The following MYOM1 variants were observed in gnomAD, a reference collection of about 807,000 sequenced individuals.
MYOM1 encodes the protein myomesin 1, also known as myomesin-1.
A neutral mutation model predicts 205.3 loss-of-function variants in MYOM1; 164 were observed. That is an observed-to-expected ratio of 0.80 (90% CI 0.70 to 0.91). The LOEUF is 0.91. Ranked by LOEUF, MYOM1 falls within the 40% of genes least tolerant of loss-of-function variation. MYOM1 has a pLI of 0.00. For synonymous variants in MYOM1, 772 were observed against 789.4 expected (o/e 0.98, Z 0.37); for missense variants, 2,011 against 2,127.3 (o/e 0.95, Z 1.08).
At chr18:3,216,232 A>C (rs1234048280) in intron 1 of MYOM1, among the ~76,000 whole-genome samples, 1 of 152,220 alleles carries the variant, frequency 6.6e-6, no homozygotes, top group Non-Finnish European at 1.5e-5. Flanking sequence ...GCGCCACTGC[A>C]CTCCATACTG....
In MYOM1 at chr18:3,161,317, C is replaced by T. The variant is rs745394331; in HGVS notation, c.1501+2961G>A. ...AGTGGTCATTTTTACTGTTCAATGCCGATGTGGTGTGGCCTGCTAACTGTC... is the reference window on the plus strand; with the variant it reads ...AGTGGTCATTTTTACTGTTCAATGCTGATGTGGTGTGGCCTGCTAACTGTC... On this transcript the variant is annotated intron_variant, in intron 10 of 37. Transcript: ENST00000356443. Among the ~76,000 whole-genome samples the T allele has an allele frequency of 1.2e-4, 19 of 152,122 alleles. 1 individual carries two copies. The highest frequency in any genetic ancestry group is 2.2e-4 in the Non-Finnish European group (15 of 68,028).
intron 13 of MYOM1, among the ~76,000 whole-genome samples, chr18:3,144,547 T>C (rs947805272): frequency 6.6e-6 from 1 of 152,182 alleles, no homozygotes; most frequent in African/African-American, 2.4e-5. Flanking sequence ...CCAATTTAGA[T>C]TTTTAAAAAG....
chr18:3,098,785 A>G (rs73936913), intron 25 of MYOM1, among the ~76,000 whole-genome samples: 12,577 of 152,118 alleles, frequency 0.083, 557 homozygotes, highest in East Asian at 0.16. Context: ...TTGAAACCTC[A>G]CTCATGATAT....
intron 3 of MYOM1, chr18:3,190,408 G>A (rs535959226): frequency 2.0e-5 from 3 of 152,148 alleles, no homozygotes; most frequent in African/African-American, 4.8e-5. Flanking sequence ...AATCTATGCT[G>A]CTTGCTGAGG....
At chr18:3,227,579 G>C in the MYOM1 span, among the ~76,000 whole-genome samples, 465 of 152,268 alleles carry the variant, frequency 3.1e-3, 2 homozygotes, top group African/African-American at 0.011. Flanking sequence ...AACACTTTGG[G>C]AGACCGAGGT....
chr18:3,074,937 G>A (rs994949140), intron 36 of MYOM1, among the ~76,000 whole-genome samples: 3 of 151,270 alleles, frequency 2.0e-5, no homozygotes, highest in Non-Finnish European at 4.4e-5. Flanking sequence ...GGGATTACAG[G>A]CACCCGCCAC....
At chr18:3,160,216 C>T (rs1450285779) in intron 10 of MYOM1, among the ~76,000 whole-genome samples, 1 of 150,068 alleles carries the variant, frequency 6.7e-6, no homozygotes, top group Non-Finnish European at 1.5e-5. Context: ...GAGACAGGGT[C>T]TCGTTCTGTC....
chr18:3,116,204 A>C (rs1260889863), intron 21 of MYOM1, 127 bp downstream of exon 21: 1 of 985,258 alleles, frequency 1.0e-6, no homozygotes, highest in Admixed American at 2.7e-5. Context: ...TGCCAGTGGA[A>C]TCTTACCAGG....
intron 28 of MYOM1, 43 bp downstream of exon 28, chr18:3,089,494 A>C (rs776478686): frequency 6.7e-7 from 1 of 1,483,550 alleles, no homozygotes; most frequent in Non-Finnish European, 9.2e-7. Flanking sequence ...TCTTTTGTAC[A>C]AAAAAATTAA....
intron 22 of MYOM1, among the ~76,000 whole-genome samples, chr18:3,109,841 G>T (rs750965881): frequency 2.0e-5 from 3 of 151,858 alleles, no homozygotes; most frequent in South Asian, 2.1e-4. Context: ...GCTCAGGGTG[G>T]TCTCCAACTC....
intron 14 of MYOM1, among the ~76,000 whole-genome samples, chr18:3,141,520 T>C (rs1245303263): frequency 6.6e-6 from 1 of 152,212 alleles, no homozygotes; most frequent in East Asian, 1.9e-4. Context: ...CCTTCTCCGT[T>C]ACCCCCTCCC....
At chr18:3,090,857 G>T in intron 26 of MYOM1, 55 bp from the exon 27 acceptor site, 2 of 1,602,282 alleles carry the variant, frequency 1.2e-6, no homozygotes, top group Non-Finnish European at 1.7e-6. Flanking sequence ...ATTTTACTTG[G>T]AATGACAACA....
chr18:3,171,577 T>C (rs2080558212), intron 8 of MYOM1, among the ~76,000 whole-genome samples: 1 of 152,036 alleles, frequency 6.6e-6, no homozygotes, highest in African/African-American at 2.4e-5. Context: ...TTTTATCACA[T>C]GTACTTACTA....
chr18:3,067,578 G>C (rs2078911858), intron 37 of MYOM1, 23 bp from the exon 38 acceptor site: 4 of 1,601,070 alleles, frequency 2.5e-6, no homozygotes, highest in Non-Finnish European at 3.4e-6. Flanking sequence ...TTTTATGGGA[G>C]AGAAGAAGAT....
chr18:3,131,472 A>C lies in MYOM1; in HGVS notation c.2409T>G (p.Thr803=), dbSNP rs755624872. ...TGACCCGGAAAATATAACTCTGACC[A>C]GTCACTAATCCATGACAAGTGAATC... is the stretch of plus-strand genomic sequence containing the variant. ...GSRFTCHGLV[T]GQSYIFRVRA... The change falls in exon 17 of 38, where the codon ACT becomes ACG. Residue 803 remains threonine, a synonymous_variant. Transcript: ENST00000356443. The C allele has an allele frequency of 1.9e-6, 3 of 1,613,324 alleles. No homozygotes were observed. The highest frequency in any genetic ancestry group is 2.5e-6 in the Non-Finnish European group (3 of 1,179,618).
chr18:3,193,607 A>T (rs1567961592), intron 3 of MYOM1, among the ~76,000 whole-genome samples: 1 of 152,142 alleles, frequency 6.6e-6, no homozygotes, highest in Non-Finnish European at 1.5e-5. Flanking sequence ...CTCTCAGTGC[A>T]GGGTTCCCAG....
intron 28 of MYOM1, 56 bp downstream of exon 28, chr18:3,089,481 G>T: frequency 7.7e-7 from 1 of 1,301,598 alleles, no homozygotes; most frequent in African/African-American, 1.5e-5. Flanking sequence ...AATAACCTTG[G>T]AATCTTTTGT....
chr18:3,117,937 G>A (rs748736678), intron 20 of MYOM1, among the ~76,000 whole-genome samples: 19 of 152,078 alleles, frequency 1.2e-4, no homozygotes, highest in Non-Finnish European at 2.4e-4. Flanking sequence ...GTTTTGCAAA[G>A]GGCTTTTATA....
intron 21 of MYOM1, among the ~76,000 whole-genome samples, chr18:3,113,332 A>ATATG (rs2079558307): frequency 1.5e-4 from 1 of 6,534 alleles, no homozygotes; most frequent in Admixed American, 3.6e-3. Flanking sequence ...ATATATATAT[A>ATATG]TATGTATGTA....
Sources: allele counts gnomAD v4.1 joint callset (sites outside exome capture counted in the v4.1 genomes callset), GRCh38; gene constraint gnomAD v4.1.1; transcripts MANE v1.5; gene names NCBI Gene and HGNC (gene_info 2026-07-23, HGNC 2026-07-21).